The following GPR158 variants were observed in gnomAD, a reference collection of about 807,000 sequenced individuals.
GPR158 encodes G protein-coupled receptor 158.
A neutral mutation model predicts 78.2 loss-of-function variants in GPR158; 30 were observed. The ratio of observed to expected loss-of-function variants is 0.38; its 90% CI spans 0.29 to 0.52. The LOEUF is 0.52. Among genes scored for constraint, GPR158 ranks in the 20% least tolerant of loss-of-function variants. The pLI is 0.83. For synonymous variants in GPR158, 581 were observed against 591.1 expected (o/e 0.98, Z 0.25); for missense variants, 1,463 against 1,523.5 (o/e 0.96, Z 0.66).
intron 6 of GPR158, 34 bp from the exon 7 acceptor site, chr10:25,572,615 G>C (rs1461940320): frequency 5.4e-6 from 7 of 1,299,188 alleles, no homozygotes; most frequent in Middle Eastern, 3.7e-4. Context: ...TGAATGTTAG[G>C]TTTGCTTTCA....
intron 4 of GPR158, among the ~76,000 whole-genome samples, chr10:25,453,580 G>A (rs1025650174): frequency 1.3e-5 from 2 of 152,042 alleles, no homozygotes; most frequent in South Asian, 2.1e-4. Flanking sequence ...TCCAATTAAT[G>A]AGTGGATTTC....
At chr10:25,475,215 T>C (rs1835566155) in intron 5 of GPR158, among the ~76,000 whole-genome samples, 1 of 152,080 alleles carries the variant, frequency 6.6e-6, no homozygotes, top group Non-Finnish European at 1.5e-5. Flanking sequence ...AACTGACGCA[T>C]TAAAAGAAAA....
At chr10:25,533,111 A>G (rs931779121) in intron 5 of GPR158, among the ~76,000 whole-genome samples, 2 of 152,118 alleles carry the variant, frequency 1.3e-5, no homozygotes, top group Non-Finnish European at 2.9e-5. Context: ...ATATTCTTGC[A>G]TATATATTTC....
intron 2 of GPR158, among the ~76,000 whole-genome samples, chr10:25,303,769 A>T (rs1425577450): frequency 2.6e-5 from 4 of 152,210 alleles, no homozygotes; most frequent in Admixed American, 2.0e-4. Context: ...CATGGATTAG[A>T]TCTAACAAAG....
chr10:25,291,616 G>A (rs1854436865), intron 2 of GPR158, among the ~76,000 whole-genome samples: 1 of 151,854 alleles, frequency 6.6e-6, no homozygotes, highest in Non-Finnish European at 1.5e-5. Flanking sequence ...ATCAGAACAA[G>A]ATTATATTTC....
chr10:25,477,154 G>GC (rs1835599200), intron 5 of GPR158, among the ~76,000 whole-genome samples: 2 of 151,918 alleles, frequency 1.3e-5, no homozygotes, highest in Non-Finnish European at 2.9e-5. Flanking sequence ...CCCATCCAGA[G>GC]CATAGGTATT....
chr10:25,542,398 A>T (rs1229496715), intron 5 of GPR158, among the ~76,000 whole-genome samples: 1 of 152,216 alleles, frequency 6.6e-6, no homozygotes, highest in African/African-American at 2.4e-5. Context: ...GCTTCTTCTC[A>T]TCATTGTACC....
intron 1 of GPR158, among the ~76,000 whole-genome samples, chr10:25,203,577 TA>T (rs1344864765): frequency 2.0e-5 from 3 of 148,416 alleles, no homozygotes; most frequent in Non-Finnish European, 3.0e-5. Flanking sequence ...TGTGTGGTAT[TA>T]TTTCTGAGGG....
At chr10:25,550,669 T>C (rs1019077856) in intron 5 of GPR158, among the ~76,000 whole-genome samples, 3 of 152,206 alleles carry the variant, frequency 2.0e-5, no homozygotes, top group Admixed American at 6.6e-5. Context: ...GTTACATATG[T>C]ATACATGTGC....
At chr10:25,471,790 C>A (rs1393877345) in intron 5 of GPR158, among the ~76,000 whole-genome samples, 1 of 152,150 alleles carries the variant, frequency 6.6e-6, no homozygotes, top group Non-Finnish European at 1.5e-5. Context: ...ATATCCTTCG[C>A]CCACTTTTTG....
intron 2 of GPR158, among the ~76,000 whole-genome samples, chr10:25,308,354 A>T (rs547371088): frequency 6.6e-6 from 1 of 151,880 alleles, no homozygotes; most frequent in East Asian, 1.9e-4. Context: ...CCCTGTGTCC[A>T]TGTGTTCTCA....
intron 2 of GPR158, among the ~76,000 whole-genome samples, chr10:25,332,924 T>C (rs1297903625): frequency 6.6e-6 from 1 of 152,122 alleles, no homozygotes; most frequent in African/African-American, 2.4e-5. Context: ...AAGAAAGATG[T>C]CTTAGAGCAG....
intron 2 of GPR158, among the ~76,000 whole-genome samples, chr10:25,290,523 CTG>C (rs1224645786): frequency 6.6e-5 from 10 of 151,938 alleles, no homozygotes; most frequent in Non-Finnish European, 1.2e-4. Flanking sequence ...AAAAAAGAAA[CTG>C]TGATTTTGAA....
At chr10:25,584,605 C>T (rs774087552) in intron 7 of GPR158, among the ~76,000 whole-genome samples, 2 of 152,158 alleles carry the variant, frequency 1.3e-5, no homozygotes, top group Non-Finnish European at 1.5e-5. Flanking sequence ...ATACTGTTTT[C>T]ATAATGCAGC....
intron 6 of GPR158, among the ~76,000 whole-genome samples, chr10:25,561,689 G>A (rs1836862619): frequency 6.7e-6 from 1 of 150,022 alleles, no homozygotes; most frequent in Non-Finnish European, 1.5e-5. Flanking sequence ...TCAAAGGAGT[G>A]GTTTAGGGAA....
intron 2 of GPR158, chr10:25,244,409 G>A (rs979048704): frequency 2.0e-5 from 3 of 152,154 alleles, no homozygotes; most frequent in African/African-American, 7.2e-5. Flanking sequence ...TAAGGTAGGA[G>A]TATCATACTT....
chr10:25,367,585 C>G (rs990228518), intron 2 of GPR158, among the ~76,000 whole-genome samples: 2 of 151,726 alleles, frequency 1.3e-5, no homozygotes, highest in African/African-American at 4.8e-5. Context: ...TGATAATAGT[C>G]TTTCAACCCA....
rs572759432 is a variant in GPR158, at chr10:25,377,983, C to T, written c.1009-17928C>T. ...CCAAAATAACTGCACCATTTTCAAT[C>T]CCACCACAATGTATAAGCATTCCAG... On this transcript the variant is annotated intron_variant, in intron 2 of 10. Transcript: ENST00000376351. Among the ~76,000 whole-genome samples the T allele has an allele frequency of 4.6e-5, 7 of 152,182 alleles. No homozygotes were observed. The South Asian group carries it at 1.5e-3, about 32-fold the overall frequency.
intron 5 of GPR158, among the ~76,000 whole-genome samples, chr10:25,550,486 C>CT (rs1306809375): frequency 6.6e-6 from 1 of 152,026 alleles, no homozygotes; most frequent in Admixed American, 6.6e-5. Context: ...ACAATCGGCT[C>CT]TGGGGGGAGA....
Sources: gnomAD v4.1 joint callset for allele counts (sites outside exome capture counted in the v4.1 genomes callset) on GRCh38, gnomAD v4.1.1 for gene constraint, MANE v1.5 for transcripts, NCBI Gene and HGNC (gene_info 2026-07-23, HGNC 2026-07-21) for gene names.